LRRC45: variants seen among roughly 807,000 people sequenced by gnomAD.
The protein encoded by LRRC45 is leucine rich repeat containing 45.
Under a neutral mutation model 85.4 loss-of-function variants are expected in LRRC45, and 73 were observed. The observed-to-expected ratio is 0.85, with a 90% CI of 0.71 to 1.04. LRRC45 has a LOEUF of 1.04. LRRC45 is among the 50% of genes least tolerant of loss of function. The pLI, the probability that LRRC45 is intolerant of heterozygous loss-of-function variation, is 0.00. For missense variants in LRRC45, 937 were observed against 883.3 expected (o/e 1.06, Z -0.77); for synonymous variants, 429 against 386.0 (o/e 1.11, Z -1.31).
intron 12 of LRRC45, 132 bp from the exon 13 acceptor site, chr17:82,028,961 A>C (rs2043392103): frequency 1.2e-6 from 1 of 847,378 alleles, no homozygotes; most frequent in Non-Finnish European, 1.9e-6. Context: ...CTGCTAGGCC[A>C]TCTGAGGCAG....
At chr17:82,025,982 C>G (rs965660095) in intron 5 of LRRC45, among the ~76,000 whole-genome samples, 2 of 152,220 alleles carry the variant, frequency 1.3e-5, no homozygotes, top group African/African-American at 4.8e-5. Context: ...GCTGATGTCT[C>G]AGCCTCAGGC....
At position 82,030,148 on chromosome 17, in the gene LRRC45, G is replaced by A; in HGVS notation, c.1578G>A (p.Gln526=). 6.5e-7 allele frequency: 1 copy of A among 1,547,992 alleles called. No homozygotes were observed. The highest frequency in any genetic ancestry group is 8.7e-7 in the Non-Finnish European group (1 of 1,146,564). The change falls in exon 15 of 17, where the codon CAG becomes CAA. Residue 526 remains glutamine, a synonymous_variant. Transcript: ENST00000306688. ...AGGCGCAGGGCGCTTGCCTACAGCA[G>A]AAGCAGGTGGTGGCCGAGGCCCAGA... ...RDEAQGACLQ[Q]KQVVAEAQTR...
At chr17:82,027,537 C>G in intron 7 of LRRC45, 93 bp downstream of exon 7, 1 of 1,570,920 alleles carries the variant, frequency 6.4e-7, no homozygotes, top group Non-Finnish European at 8.7e-7. Context: ...ACGAGTGAGG[C>G]CACGAGGAGG....
In LRRC45 at chr17:82,023,672, G is replaced by A. The variant is rs565077925; in HGVS notation, c.29G>A (p.Arg10His). 22 of 1,548,776 alleles carry A rather than the reference G, an allele frequency of 1.4e-5. No homozygotes were observed. The South Asian group carries it at 2.0e-4, about 14-fold the overall frequency. Reference protein sequence around the residue: MEEFRRSYSRLCRESGAEPQ... With the variant: MEEFRRSYSHLCRESGAEPQ... Reference sequence around the variant, plus strand: ...GAGGAGTTCCGGCGCTCCTACAGCCGCCTGTGCAGGGAGAGTGGGGCCGAG... The same window carrying A: ...GAGGAGTTCCGGCGCTCCTACAGCCACCTGTGCAGGGAGAGTGGGGCCGAG... The change falls in exon 1 of 17, where the codon CGC becomes CAC. Residue 10 changes from arginine (R) to histidine (H), a missense_variant. By Grantham distance (29) the Arg-to-His change is conservative. Transcript: ENST00000306688.
At chr17:82,024,106 G>A (rs1473960986) in intron 1 of LRRC45, 172 bp from the exon 2 acceptor site, 1 of 807,724 alleles carries the variant, frequency 1.2e-6, no homozygotes. Context: ...CCTGGCAGGG[G>A]CTGCAGGTGT....
chr17:82,028,913 G>T, intron 12 of LRRC45, 180 bp from the exon 13 acceptor site: 1 of 714,868 alleles, frequency 1.4e-6, no homozygotes, highest in East Asian at 2.7e-5. Context: ...GAGACACCAA[G>T]GCCCACTCGT....
In LRRC45 at chr17:82,025,407, G is replaced by T. The variant is rs757241422; in HGVS notation, c.561G>T (p.Leu187=). The T allele has an allele frequency of 6.3e-7, 1 of 1,596,372 alleles. No individual in the cohort carries two copies. Among genetic ancestry groups the T allele is most frequent in the African/African-American group, 1.3e-5 (1 of 74,394 alleles). The change falls in exon 5 of 17, where the codon CTG becomes CTT. Residue 187 remains leucine, a synonymous_variant. Coordinates refer to ENST00000306688, the MANE Select transcript of LRRC45 (RefSeq NM_144999.4). ...TGCGCTGGAATAACGTTGGCCTCCT[G>T]GGGGGCCGGGCCCTCATGAACTGTC... The part of the protein sequence containing the change: ...LDLRWNNVGL[L]GGRALMNCLP...
rs1410089624 is a variant in LRRC45 at position 82,027,419 on chromosome 17, C to T, written c.808C>T (p.Arg270Ter). 3.1e-6 allele frequency: 5 copies of T among 1,612,682 alleles called. No homozygotes were observed. The highest frequency in any genetic ancestry group is 4.5e-5 in the East Asian group (2 of 44,876). ...CTTGATGGAGACTATTGATAAGCAG[C>T]GAGAAGAGATGGCCAAGAGCAGCAG... The part of the protein sequence containing the change: ...LDLMETIDKQ[R>*]EEMAKSSRAS... The change falls in exon 7 of 17, where the codon CGA becomes TGA. Residue 270 changes from arginine to a stop codon, truncating the protein, a stop_gained. Transcript: ENST00000306688. LOFTEE classifies it high-confidence loss of function.
At chr17:82,030,568 C>T (rs1362724201) in intron 16 of LRRC45, 41 bp from the exon 17 acceptor site, 9 of 1,469,464 alleles carry the variant, frequency 6.1e-6, no homozygotes, top group Non-Finnish European at 8.1e-6. Context: ...TGCCACGGTG[C>T]GCTGGGGCTG....
In LRRC45 at chr17:82,027,406, T is replaced by G; in HGVS notation, c.795T>G (p.Thr265=). The change falls in exon 7 of 17, where the codon ACT becomes ACG. Residue 265 remains threonine, a synonymous_variant. Coordinates refer to ENST00000306688, the MANE Select transcript of LRRC45 (RefSeq NM_144999.4). ...CCCAGTTCCTCGACTTGATGGAGAC[T>G]ATTGATAAGCAGCGAGAAGAGATGG... ...KSKQFLDLME[T]IDKQREEMAK... 6.2e-7 allele frequency: 1 copy of G among 1,612,700 alleles called. No individual in the cohort carries two copies. Among genetic ancestry groups the G allele is most frequent in the Non-Finnish European group, 8.5e-7 (1 of 1,179,942 alleles).
At position 82,028,113 on chromosome 17, in the gene LRRC45, G is replaced by C. The variant is rs1179706322; in HGVS notation, c.1014G>C (p.Gln338His). Residue 338 changes from glutamine (Q) to histidine (H), a missense_variant, in exon 9 of 17, where the codon CAG becomes CAC. Coordinates refer to ENST00000306688, the MANE Select transcript of LRRC45 (RefSeq NM_144999.4). ...TAEQEQLSLS[Q>H]RQAKELKLEQ... ...AGCAGGAGCAGCTGAGCCTGTCACA[G>C]AGGCAGGCCAAGGAGCTCAAGCTGG... The C allele has an allele frequency of 6.3e-7, 1 of 1,575,104 alleles. No individual in the cohort carries two copies. Among genetic ancestry groups the C allele is most frequent in the South Asian group, 1.2e-5 (1 of 86,764 alleles).
In LRRC45 at chr17:82,027,675, G is replaced by T. The variant is rs369430248; in HGVS notation, c.835G>T (p.Ala279Ser). Residue 279 changes from alanine to serine, a missense_variant and splice_region_variant, in exon 8 of 17, where the codon GCG becomes TCG. Coordinates refer to ENST00000306688, the MANE Select transcript of LRRC45 (RefSeq NM_144999.4). ...CTGCACCCTCCTCTCTGCCCACAGG[G>T]CGTCGGCAGCCCGTGTAGGGCAGCT... ...QREEMAKSSR[A>S]SAARVGQLQE... 4.3e-6 allele frequency: 7 copies of T among 1,609,788 alleles called. No individual in the cohort carries two copies. In the African/African-American group the frequency reaches 8.0e-5, roughly 18 times the overall value.
rs151220513 is a variant in LRRC45, at chr17:82,026,115, C to T, written c.661+608C>T. Among the ~76,000 whole-genome samples the T allele has an allele frequency of 2.0e-4, 30 of 152,342 alleles. No individual in the cohort carries two copies. The East Asian group carries it at 4.6e-3, about 24-fold the overall frequency. On this transcript the variant is annotated intron_variant, in intron 5 of 16. Coordinates refer to ENST00000306688, the MANE Select transcript of LRRC45 (RefSeq NM_144999.4). ...CATCCCTCCTGCTGGTTCTGCCTGG[C>T]CTCTGACTCCAGCTGCGCCGTCCCT... is the stretch of plus-strand genomic sequence containing the variant.
At chr17:82,024,902 C>T (rs747266229) in intron 3 of LRRC45, 98 bp from the exon 4 acceptor site, 14 of 1,439,170 alleles carry the variant, frequency 9.7e-6, no homozygotes, top group African/African-American at 2.9e-5. Context: ...GCAGAGGCTC[C>T]GGCCCATCAG....
Position 82,030,593 on chromosome 17 carries a change from G to A in LRRC45, c.1817-16G>A, listed in dbSNP as rs368749992. 8.2e-6 allele frequency: 12 copies of A among 1,460,650 alleles called. No individual in the cohort carries two copies. The African/African-American group carries it at 1.6e-4, about 19-fold the overall frequency. The allele number at this position is 1,460,650 out of a possible 1,614,324, so 90.5% of individuals were successfully genotyped here. A position where few individuals can be genotyped will look rare whatever the true frequency, so the allele number is the denominator to read the frequency against. The stretch of plus-strand genomic sequence containing the variant: ...CGCTGGGGCTGCGTCCGCTCACTGC[G>A]CTCCTTGCCCTGCAGTGATGGCGAG... On this transcript the variant is annotated splice_polypyrimidine_tract_variant and intron_variant, in intron 16 of 16. Coordinates refer to ENST00000306688, the MANE Select transcript of LRRC45 (RefSeq NM_144999.4).
chr17:82,024,457 G>A, intron 2 of LRRC45, 118 bp downstream of exon 2: 1 of 1,235,024 alleles, frequency 8.1e-7, no homozygotes, highest in Non-Finnish European at 1.1e-6. Flanking sequence ...CTGTCTGTGA[G>A]TCCCCAGGCC....
At position 82,030,650 on chromosome 17, in the gene LRRC45, A is replaced by G. The variant is rs775958094; in HGVS notation, c.1858A>G (p.Ser620Gly). ...DHREALLDRE[S>G]ENASLREKLR... The stretch of plus-strand genomic sequence containing the variant: ...CCGAGAGGCGCTGCTGGACAGGGAG[A>G]GCGAGAACGCGTCTCTCCGGGAGAA... The change falls in exon 17 of 17, where the codon AGC becomes GGC. Residue 620 changes from serine (S) to glycine (G), a missense_variant. Transcript: ENST00000306688. 6 of 1,420,726 alleles carry G rather than the reference A, an allele frequency of 4.2e-6. No individual in the cohort carries two copies. The highest frequency in any genetic ancestry group is 5.5e-6 in the Non-Finnish European group (6 of 1,081,208). 88.0% of individuals were successfully genotyped at this position (1,420,726 alleles called of 1,614,324 possible).
Position 82,024,733 on chromosome 17 carries a change from AAC to A in LRRC45, c.324_325del (p.Lys108AsnfsTer75). On this transcript the variant is annotated frameshift_variant, in exon 3 of 17. Transcript: ENST00000306688. LOFTEE classifies it high-confidence loss of function. ...GCTGCAGGGGCCGAGGCTCTGGGAA[AAC>A]TCCTCCAACAGAACAAGTCCATTCA... 1 of 1,577,782 alleles carries A rather than the reference AAC, an allele frequency of 6.3e-7. No homozygotes were observed. The highest frequency in any genetic ancestry group is 8.6e-7 in the Non-Finnish European group (1 of 1,165,988).
rs1257141427 is a variant in LRRC45 at position 82,029,594 on chromosome 17, G to A, written c.1453G>A (p.Glu485Lys). 3 of 1,581,424 alleles carry A rather than the reference G, an allele frequency of 1.9e-6. No individual in the cohort carries two copies. The highest frequency in any genetic ancestry group is 1.8e-5 in the Admixed American group (1 of 55,934). The stretch of plus-strand genomic sequence containing the variant: ...ACTCAGCGAGCGTGGCCAGGCTGAG[G>A]AGGAGCTGATCAAGGCCAAGAGCCA... ...AALSERGQAE[E>K]ELIKAKSQAR... Residue 485 changes from glutamate (E) to lysine (K), a missense_variant, in exon 14 of 17, where the codon GAG becomes AAG. Glu to Lys is a moderately conservative substitution (Grantham distance 56). Coordinates refer to ENST00000306688, the MANE Select transcript of LRRC45 (RefSeq NM_144999.4).
Sources: gnomAD v4.1 joint callset for allele counts (sites outside exome capture counted in the v4.1 genomes callset) on GRCh38, gnomAD v4.1.1 for gene constraint, MANE v1.5 for transcripts, NCBI Gene and HGNC (gene_info 2026-07-23, HGNC 2026-07-21) for gene names.